Variants in RUNDC3B observed in about 807,000 individuals in gnomAD.
RUNDC3B encodes RUN domain-containing protein 3B.
RUNDC3B carries 33 observed loss-of-function variants against 58.4 expected under a neutral mutation model. The observed-to-expected ratio is 0.56, with a 90% CI of 0.43 to 0.75. The LOEUF (loss-of-function observed/expected upper bound fraction) is 0.75. Ranked by LOEUF, RUNDC3B falls within the 30% of genes least tolerant of loss-of-function variation. RUNDC3B has a pLI of 0.00. For synonymous variants in RUNDC3B, 193 were observed against 195.2 expected (o/e 0.99, Z 0.10); for missense variants, 501 against 535.7 (o/e 0.94, Z 0.64).
chr7:87,708,144 A>G (rs1031144481), intron 3 of RUNDC3B, among the ~76,000 whole-genome samples: 8 of 151,664 alleles, frequency 5.3e-5, no homozygotes, highest in Non-Finnish European at 1.2e-4. Context: ...AGAAGGAAAG[A>G]AATAACAGTA....
At chr7:87,660,955 C>T (rs1224880961) in intron 2 of RUNDC3B, among the ~76,000 whole-genome samples, 8 of 151,874 alleles carry the variant, frequency 5.3e-5, no homozygotes, top group Non-Finnish European at 2.9e-5. Context: ...GTAAGACTTA[C>T]TTAAGGGCCT....
chr7:87,741,512 G>A lies in RUNDC3B; in HGVS notation c.562G>A (p.Gly188Arg), dbSNP rs1235770568. 1 of 1,564,824 alleles carries A rather than the reference G, an allele frequency of 6.4e-7. No homozygotes were observed. Among genetic ancestry groups the A allele is most frequent in the Non-Finnish European group, 8.7e-7 (1 of 1,143,210 alleles). Residue 188 changes from glycine (G) to arginine (R), a missense_variant, in exon 6 of 11, where the codon GGA (glycine) becomes AGA (arginine). By Grantham distance (125) the Gly-to-Arg change is moderately radical (BLOSUM62 -2). Transcript: ENST00000394654. The part of the protein sequence containing the change: ...NAIDFSFCLK[G>R]EGLDGSFPAV... ...CTATTGTCTTAGTTTCTGCCTAAAG[G>A]GAGAGGGGCTGGATGGCAGTTTTCC...
intron 1 of RUNDC3B, among the ~76,000 whole-genome samples, chr7:87,630,035 A>G (rs1198909901): frequency 1.3e-5 from 2 of 152,162 alleles, no homozygotes; most frequent in African/African-American, 4.8e-5. Flanking sequence ...AAAAATTGAA[A>G]CCCTAAGCAT....
At chr7:87,814,343 G>A (rs575496304) in intron 9 of RUNDC3B, among the ~76,000 whole-genome samples, 244 of 151,890 alleles carry the variant, frequency 1.6e-3, no homozygotes, top group African/African-American at 5.6e-3. Flanking sequence ...CAGGTGATCC[G>A]CCCGCCTTGG....
intron 9 of RUNDC3B, among the ~76,000 whole-genome samples, chr7:87,813,029 G>T (rs1836810824): frequency 6.6e-6 from 1 of 152,166 alleles, no homozygotes; most frequent in Non-Finnish European, 1.5e-5. Flanking sequence ...CTAGATAGTG[G>T]ATTTGTAGTC....
At chr7:87,810,683 T>C (rs1440887083) in intron 9 of RUNDC3B, among the ~76,000 whole-genome samples, 1 of 152,216 alleles carries the variant, frequency 6.6e-6, no homozygotes, top group Non-Finnish European at 1.5e-5. Flanking sequence ...TATTTCTCTT[T>C]ACTATGCTGT....
At chr7:87,698,123 G>A (rs1036173133) in intron 2 of RUNDC3B, among the ~76,000 whole-genome samples, 1 of 151,962 alleles carries the variant, frequency 6.6e-6, no homozygotes, top group African/African-American at 2.4e-5. Context: ...TTTTTGAGAC[G>A]AAGTCTCACT....
At chr7:87,702,442 C>G (rs921306689) in intron 3 of RUNDC3B, among the ~76,000 whole-genome samples, 5 of 151,828 alleles carry the variant, frequency 3.3e-5, no homozygotes, top group African/African-American at 1.2e-4. Context: ...CCATGCCTGG[C>G]AAATGTTTTA....
chr7:87,655,355 G>C (rs773855745), intron 2 of RUNDC3B, among the ~76,000 whole-genome samples: 8 of 152,096 alleles, frequency 5.3e-5, no homozygotes, highest in Non-Finnish European at 8.8e-5. Flanking sequence ...TAAAAAAAAA[G>C]TTGCGTATAT....
chr7:87,809,485 C>T (rs1396434430), intron 9 of RUNDC3B, among the ~76,000 whole-genome samples: 9 of 152,148 alleles, frequency 5.9e-5, no homozygotes, highest in Admixed American at 5.9e-4. Flanking sequence ...TCTTTCTGCA[C>T]ATGTAATACT....
At chr7:87,738,337 A>T (rs943326628) in intron 4 of RUNDC3B, among the ~76,000 whole-genome samples, 5 of 151,996 alleles carry the variant, frequency 3.3e-5, no homozygotes, top group African/African-American at 7.2e-5. Context: ...TAGAATATGT[A>T]AAAAAATCCT....
At chr7:87,730,312 C>T (rs542125571) in intron 4 of RUNDC3B, among the ~76,000 whole-genome samples, 12 of 152,048 alleles carry the variant, frequency 7.9e-5, no homozygotes, top group South Asian at 2.1e-4. Context: ...GGCTCTTGGA[C>T]AGCATTTCTG....
chr7:87,665,744 A>G (rs935582519), intron 2 of RUNDC3B, among the ~76,000 whole-genome samples: 6 of 151,866 alleles, frequency 4.0e-5, no homozygotes, highest in African/African-American at 1.2e-4. Flanking sequence ...CCTTCTTTCC[A>G]TGTGTAGTCA....
chr7:87,715,060 A>G (rs1830436193), intron 4 of RUNDC3B, among the ~76,000 whole-genome samples: 1 of 151,196 alleles, frequency 6.6e-6, no homozygotes, highest in African/African-American at 2.4e-5. Flanking sequence ...GTCTCCCTAC[A>G]TCTTTCTCTA....
intron 2 of RUNDC3B, among the ~76,000 whole-genome samples, chr7:87,679,825 G>A (rs1826746977): frequency 6.6e-6 from 1 of 150,580 alleles, no homozygotes; most frequent in African/African-American, 2.5e-5. Context: ...TAAAAGAATT[G>A]AAATCATATA....
chr7:87,703,913 G>T (rs202229230), intron 3 of RUNDC3B, among the ~76,000 whole-genome samples: 3,667 of 30,956 alleles, frequency 0.12, 6 homozygotes, highest in Middle Eastern at 0.16. Context: ...TTTTTTTTTT[G>T]GTTTTTTTTT....
intron 4 of RUNDC3B, among the ~76,000 whole-genome samples, chr7:87,723,847 A>G (rs1181264086): frequency 6.6e-6 from 1 of 152,206 alleles, no homozygotes; most frequent in African/African-American, 2.4e-5. Context: ...AAAAAGTGAA[A>G]TTGGAATATA....
chr7:87,685,499 T>C (rs1404627376), intron 2 of RUNDC3B, among the ~76,000 whole-genome samples: 1 of 149,508 alleles, frequency 6.7e-6, no homozygotes, highest in East Asian at 2.0e-4. Context: ...ACAAACTCAG[T>C]AATAAAAAGG....
intron 3 of RUNDC3B, among the ~76,000 whole-genome samples, chr7:87,700,757 G>A (rs1828959608): frequency 6.6e-6 from 1 of 152,180 alleles, no homozygotes; most frequent in African/African-American, 2.4e-5. Context: ...CCCTGAAGAT[G>A]TCCAAGACCC....
Sources: gnomAD v4.1 joint callset for allele counts (sites outside exome capture counted in the v4.1 genomes callset) on GRCh38, gnomAD v4.1.1 for gene constraint, MANE v1.5 for transcripts, NCBI Gene and HGNC (gene_info 2026-07-23, HGNC 2026-07-21) for gene names.